SIPA1L1: variants seen among roughly 807,000 people sequenced by gnomAD.
The protein encoded by SIPA1L1 is signal induced proliferation associated 1 like 1.
In SIPA1L1, 26 loss-of-function variants were observed where a neutral mutation model predicts 162.7. The ratio of observed to expected loss-of-function variants is 0.16; its 90% CI spans 0.12 to 0.22. The LOEUF (loss-of-function observed/expected upper bound fraction) is 0.22, where lower values mean the gene tolerates loss of function less well. Among genes scored for constraint, SIPA1L1 ranks in the 10% least tolerant of loss-of-function variants. The pLI, the probability that SIPA1L1 is intolerant of heterozygous loss-of-function variation, is 1.00. For synonymous variants in SIPA1L1, 829 were observed against 837.4 expected (o/e 0.99, Z 0.17); for missense variants, 1,874 against 2,241.0 (o/e 0.84, Z 3.31).
At chr14:71,519,883 TAAAC>T (rs1273307931) in intron 3 of SIPA1L1, among the ~76,000 whole-genome samples, 1 of 152,030 alleles carries the variant, frequency 6.6e-6, no homozygotes, top group East Asian at 1.9e-4. Context: ...TTAATTATAG[TAAAC>T]AATAATAGTA....
intron 8 of SIPA1L1, among the ~76,000 whole-genome samples, chr14:71,655,020 G>C (rs1274466836): frequency 1.3e-5 from 2 of 152,068 alleles, no homozygotes; most frequent in African/African-American, 2.4e-5. Context: ...ATAATGCTGG[G>C]GCTTGAGCTT....
intron 2 of SIPA1L1, among the ~76,000 whole-genome samples, chr14:71,466,846 A>T (rs2047040460): frequency 6.6e-6 from 1 of 152,204 alleles, no homozygotes; most frequent in Admixed American, 6.5e-5. Flanking sequence ...TAATGGCATT[A>T]GTTACTTGTT....
At chr14:71,388,407 C>G (rs2040502126) in intron 2 of SIPA1L1, among the ~76,000 whole-genome samples, 1 of 152,178 alleles carries the variant, frequency 6.6e-6, no homozygotes, top group African/African-American at 2.4e-5. Context: ...ATATTATTAT[C>G]TACTGTGTAC....
Position 71,723,668 on chromosome 14 carries a change from T to C in SIPA1L1, c.4230T>C (p.Ser1410=). Residue 1410 remains serine (S), a synonymous_variant, in exon 18 of 24, where the codon TCT becomes TCC. Coordinates refer to ENST00000381232, the MANE Select transcript of SIPA1L1 (RefSeq NM_001386936.1). ...TCAGTACCATGAGCTCCCGACACTCTGCCAGCCCAGTGGTTTTCACCAGTG... is the reference window on the plus strand; with the variant it reads ...TCAGTACCATGAGCTCCCGACACTCCGCCAGCCCAGTGGTTTTCACCAGTG... The part of the protein sequence containing the change: ...SHTSTMSSRH[S]ASPVVFTSAR... 6.2e-7 allele frequency: 1 copy of C among 1,614,218 alleles called. No individual in the cohort carries two copies. The highest frequency in any genetic ancestry group is 8.5e-7 in the Non-Finnish European group (1 of 1,180,042).
chr14:71,353,350 GA>G (rs1369515975), intron 2 of SIPA1L1, among the ~76,000 whole-genome samples: 1 of 152,184 alleles, frequency 6.6e-6, no homozygotes, highest in African/African-American at 2.4e-5. Flanking sequence ...GTCTGACCTG[GA>G]GGAGACATTT....
At chr14:71,612,317 C>T (rs1053297700) in intron 5 of SIPA1L1, among the ~76,000 whole-genome samples, 18 of 152,210 alleles carry the variant, frequency 1.2e-4, no homozygotes, top group African/African-American at 3.4e-4. Context: ...GAATATATTA[C>T]GTCTCTACCA....
intron 15 of SIPA1L1, among the ~76,000 whole-genome samples, chr14:71,704,067 A>G (rs753917817): frequency 6.6e-6 from 1 of 152,170 alleles, no homozygotes; most frequent in Non-Finnish European, 1.5e-5. Flanking sequence ...AAGAGGTCCA[A>G]GTGGTGGCCT....
At chr14:71,521,279 G>T (rs578149579) in intron 3 of SIPA1L1, among the ~76,000 whole-genome samples, 1 of 152,278 alleles carries the variant, frequency 6.6e-6, no homozygotes, top group South Asian at 2.1e-4. Flanking sequence ...GAATTTTCAG[G>T]AATTAAGACC....
chr14:71,739,042 C>T lies in SIPA1L1; in HGVS notation c.5233C>T (p.Gln1745Ter). ...GGAAAAAGAAGACAAAGCTCACCTT[C>T]AGGCGGAGGTGCAGCACCTGCGAGA... ...KKEKEDKAHL[Q>*]AEVQHLREDN... is the part of the protein sequence containing the mutation. Residue 1745 changes from glutamine to a stop codon, truncating the protein, a stop_gained, in exon 24 of 24, where the codon CAG (glutamine) becomes TAG (stop). Coordinates refer to ENST00000381232, the MANE Select transcript of SIPA1L1 (RefSeq NM_001386936.1). LOFTEE classifies it high-confidence loss of function. 1 of 1,613,882 alleles carries T rather than the reference C, an allele frequency of 6.2e-7. No homozygotes were observed. Among genetic ancestry groups the T allele is most frequent in the Non-Finnish European group, 8.5e-7 (1 of 1,179,816 alleles).
intron 2 of SIPA1L1, among the ~76,000 whole-genome samples, chr14:71,440,646 C>CAAAAAAAAAA (rs397853535): frequency 5.4e-5 from 3 of 55,666 alleles, no homozygotes; most frequent in African/African-American, 7.9e-5. Context: ...GAACCCATCT[C>CAAAAAAAAAA]AAAAAAAAAA....
chr14:71,423,923 T>C (rs2043372537), intron 2 of SIPA1L1, among the ~76,000 whole-genome samples: 1 of 152,158 alleles, frequency 6.6e-6, no homozygotes, highest in African/African-American at 2.4e-5. Context: ...TATCAAACCT[T>C]TCAGTCCTTG....
intron 5 of SIPA1L1, among the ~76,000 whole-genome samples, chr14:71,597,122 A>G (rs1381372506): frequency 6.6e-6 from 1 of 151,980 alleles, no homozygotes; most frequent in African/African-American, 2.4e-5. Flanking sequence ...AGCGTGCATC[A>G]TCACGCCTGG....
chr14:71,463,358 C>T (rs1157492416), intron 2 of SIPA1L1, among the ~76,000 whole-genome samples: 1 of 152,088 alleles, frequency 6.6e-6, no homozygotes, highest in East Asian at 1.9e-4. Flanking sequence ...AGTCCGGGGA[C>T]CCACTGTACC....
At chr14:71,412,280 TC>T (rs549796896) in intron 2 of SIPA1L1, among the ~76,000 whole-genome samples, 116 of 152,326 alleles carry the variant, frequency 7.6e-4, no homozygotes, top group Non-Finnish European at 1.4e-3. Flanking sequence ...CTTGTAAACT[TC>T]CTTAAAACAT....
intron 4 of SIPA1L1, among the ~76,000 whole-genome samples, chr14:71,569,887 T>TTTAGACACTACTGAA (rs1228682030): frequency 6.6e-6 from 1 of 152,230 alleles, no homozygotes; most frequent in African/African-American, 2.4e-5. Flanking sequence ...TCCTGCTTTC[T>TTTAGACACTACTGAA]TTAGACACTA....
chr14:71,585,841 G>A (rs1451426354), intron 4 of SIPA1L1, among the ~76,000 whole-genome samples: 1 of 152,156 alleles, frequency 6.6e-6, no homozygotes, highest in African/African-American at 2.4e-5. Context: ...ACAGGTGTTT[G>A]CATTTTGGTT....
intron 5 of SIPA1L1, among the ~76,000 whole-genome samples, chr14:71,603,906 G>A (rs2037114713): frequency 7.0e-6 from 1 of 142,836 alleles, no homozygotes; most frequent in Admixed American, 7.0e-5. Flanking sequence ...CAGAGCAAGA[G>A]CAAGATATAT....
chr14:71,674,529 A>C (rs563199719), intron 12 of SIPA1L1, among the ~76,000 whole-genome samples: 1 of 150,220 alleles, frequency 6.7e-6, no homozygotes, highest in Admixed American at 6.6e-5. Context: ...CTCTCTTGTG[A>C]TAGTGTTAGT....
intron 2 of SIPA1L1, among the ~76,000 whole-genome samples, chr14:71,434,918 GGTAGCATACT>G (rs1327375021): frequency 6.6e-6 from 1 of 152,122 alleles, no homozygotes; most frequent in Non-Finnish European, 1.5e-5. Context: ...TTACACAAAT[GGTAGCATACT>G]GTACTATGCT....
Sources: gnomAD v4.1 joint callset for allele counts (sites outside exome capture counted in the v4.1 genomes callset) on GRCh38, gnomAD v4.1.1 for gene constraint, MANE v1.5 for transcripts, NCBI Gene and HGNC (gene_info 2026-07-23, HGNC 2026-07-21) for gene names.